STPG2: variants seen among roughly 807,000 people sequenced by gnomAD.
STPG2 encodes the protein sperm-tail PG-rich repeat-containing protein 2.
In STPG2, 56 loss-of-function variants were observed where a neutral mutation model predicts 54.2. The ratio of observed to expected loss-of-function variants is 1.03; its 90% CI spans 0.83 to 1.29. The LOEUF is 1.29. Among genes scored for constraint, STPG2 ranks in the 50% most tolerant of loss-of-function variants. STPG2 has a pLI of 0.00. For synonymous variants in STPG2, 200 were observed against 181.8 expected (o/e 1.10, Z -0.81); for missense variants, 596 against 544.9 (o/e 1.09, Z -0.93).
At chr4:97,769,095 C>T (rs934274879) in intron 9 of STPG2, among the ~76,000 whole-genome samples, 4 of 152,156 alleles carry the variant, frequency 2.6e-5, no homozygotes, top group Non-Finnish European at 5.9e-5. Flanking sequence ...GTCCAACCTC[C>T]TATCCTGACA....
chr4:98,013,482 C>T (rs1735823775), intron 5 of STPG2, among the ~76,000 whole-genome samples: 1 of 152,016 alleles, frequency 6.6e-6, no homozygotes, highest in Non-Finnish European at 1.5e-5. Context: ...GGGAGGAGTC[C>T]CTCCTTTTCA....
At chr4:98,003,495 A>C (rs1735478151) in intron 5 of STPG2, among the ~76,000 whole-genome samples, 1 of 152,094 alleles carries the variant, frequency 6.6e-6, no homozygotes, top group Non-Finnish European at 1.5e-5. Context: ...TGTTTTAAAA[A>C]ATCCTGAGAA....
chr4:97,642,889 A>C (rs1265317693), intron 10 of STPG2, among the ~76,000 whole-genome samples: 3 of 151,584 alleles, frequency 2.0e-5, no homozygotes, highest in Non-Finnish European at 4.4e-5. Flanking sequence ...ATTAAGCCTT[A>C]GAGAACAATT....
rs187816047 is a variant in STPG2 at position 97,723,425 on chromosome 4, T to C, written c.1205-10611A>G. 3.7e-3 allele frequency among the ~76,000 whole-genome samples: 568 copies of C among 152,232 alleles called. 2 individuals carry two copies. Among genetic ancestry groups the C allele is most frequent in the Middle Eastern group, 6.8e-3 (2 of 294 alleles). ...AATGGAAGACCAAACCCCACCATTA[T>C]GCAATATATTCATGCAGCAAACATG... On this transcript the variant is annotated intron_variant, in intron 9 of 10. Transcript: ENST00000295268.
intron 8 of STPG2, among the ~76,000 whole-genome samples, chr4:97,872,508 C>T (rs991393267): frequency 1.2e-4 from 18 of 150,734 alleles, no homozygotes; most frequent in African/African-American, 4.1e-4. Context: ...AGTAGAAAAC[C>T]CCTATGTATA....
At chr4:97,510,636 G>T (rs1417318424) in intron 4 of STPG2, among the ~76,000 whole-genome samples, 1 of 152,008 alleles carries the variant, frequency 6.6e-6, no homozygotes, top group Non-Finnish European at 1.5e-5. Flanking sequence ...ATGGTTTCAG[G>T]ATGAAACTGT....
At chr4:97,530,244 A>G (rs1370885178) in intron 4 of STPG2, among the ~76,000 whole-genome samples, 1 of 152,180 alleles carries the variant, frequency 6.6e-6, no homozygotes, top group Non-Finnish European at 1.5e-5. Flanking sequence ...TCTCCTAGTG[A>G]TAATACAGAT....
intron 5 of STPG2, among the ~76,000 whole-genome samples, chr4:98,053,394 GTA>G (rs752445678): frequency 2.9e-4 from 44 of 152,246 alleles, no homozygotes; most frequent in Admixed American, 1.1e-3. Flanking sequence ...CTTGCTTAGA[GTA>G]TAGGCATAGT....
At chr4:97,599,551 C>T (rs1016622427) in intron 10 of STPG2, among the ~76,000 whole-genome samples, 3 of 152,056 alleles carry the variant, frequency 2.0e-5, no homozygotes, top group East Asian at 1.9e-4. Context: ...AGGCCGGGTG[C>T]GGTGGCTCAT....
intron 10 of STPG2, among the ~76,000 whole-genome samples, chr4:97,559,568 C>T (rs750515885): frequency 1.3e-5 from 2 of 152,180 alleles, no homozygotes; most frequent in Non-Finnish European, 2.9e-5. Context: ...CTGAAATTTG[C>T]AAAAGCTATT....
intron 7 of STPG2, among the ~76,000 whole-genome samples, chr4:97,945,359 C>T (rs1247437699): frequency 6.6e-6 from 1 of 152,136 alleles, no homozygotes; most frequent in African/African-American, 2.4e-5. Context: ...TGGCCTCCAG[C>T]TCCATCCAAG....
At chr4:97,637,364 T>A (rs527408296) in intron 10 of STPG2, among the ~76,000 whole-genome samples, 208 of 152,278 alleles carry the variant, frequency 1.4e-3, no homozygotes, top group Non-Finnish European at 2.4e-3. Flanking sequence ...GAGCTATCTA[T>A]GACAAACCCA....
At chr4:98,025,870 C>T (rs1736403744) in intron 5 of STPG2, 14 of 1,598,274 alleles carry the variant, frequency 8.8e-6, no homozygotes, top group Middle Eastern at 1.7e-4. Context: ...TTTTTGGCAC[C>T]CTGAAGGGAG....
chr4:97,965,562 T>C (rs913531730), intron 7 of STPG2, among the ~76,000 whole-genome samples: 7 of 152,162 alleles, frequency 4.6e-5, no homozygotes, highest in African/African-American at 1.4e-4. Context: ...GACCCCCACG[T>C]AGACGAACTA....
At chr4:97,990,742 G>C (rs1734975910) in intron 5 of STPG2, among the ~76,000 whole-genome samples, 1 of 152,040 alleles carries the variant, frequency 6.6e-6, no homozygotes, top group Non-Finnish European at 1.5e-5. Flanking sequence ...TATTGAAACA[G>C]GTTATTTATG....
intron 9 of STPG2, among the ~76,000 whole-genome samples, chr4:97,822,884 T>C (rs529073129): frequency 2.0e-5 from 3 of 152,106 alleles, no homozygotes; most frequent in Admixed American, 1.3e-4. Flanking sequence ...AAAGTTTGAG[T>C]GGTCTAAATT....
intron 7 of STPG2, among the ~76,000 whole-genome samples, chr4:97,956,023 C>T (rs923204182): frequency 6.6e-6 from 1 of 151,852 alleles, no homozygotes; most frequent in Non-Finnish European, 1.5e-5. Flanking sequence ...CATAAAAATG[C>T]AAATGCAAAA....
intron 9 of STPG2, among the ~76,000 whole-genome samples, chr4:97,763,590 C>CTATT (rs1725953011): frequency 6.6e-6 from 1 of 152,036 alleles, no homozygotes; most frequent in African/African-American, 2.4e-5. Context: ...TATTTTATGC[C>CTATT]TATTGTCCGG....
intron 1 of STPG2, among the ~76,000 whole-genome samples, chr4:98,136,118 T>C (rs907153695): frequency 1.3e-5 from 2 of 151,374 alleles, no homozygotes; most frequent in Non-Finnish European, 1.5e-5. Context: ...AGAAAAAAGA[T>C]GAACATGATG....
Sources: allele counts gnomAD v4.1 joint callset (sites outside exome capture counted in the v4.1 genomes callset), GRCh38; gene constraint gnomAD v4.1.1; transcripts MANE v1.5; gene names NCBI Gene and HGNC (gene_info 2026-07-23, HGNC 2026-07-21).